The following HEMK2 variants were observed in gnomAD, a reference collection of about 807,000 sequenced individuals.
The protein encoded by HEMK2 is methyltransferase HEMK2.
the HEMK2 span, among the ~76,000 whole-genome samples, chr21:28,884,628 C>T: frequency 6.6e-6 from 1 of 151,978 alleles, no homozygotes; most frequent in Non-Finnish European, 1.5e-5. Context: ...TTTTTGGTAA[C>T]AATTAAATGA....
At chr21:28,753,838 C>A in the HEMK2 span, among the ~76,000 whole-genome samples, 1 of 152,220 alleles carries the variant, frequency 6.6e-6, no homozygotes, top group Non-Finnish European at 1.5e-5. Flanking sequence ...CACACGTGCA[C>A]ACGCAATGCC....
chr21:28,608,843 G>A, the HEMK2 span, among the ~76,000 whole-genome samples: 16 of 151,940 alleles, frequency 1.1e-4, no homozygotes, highest in African/African-American at 3.1e-4. Flanking sequence ...ATCATCCCCC[G>A]GGAAACATAA....
chr21:28,604,106 G>A, the HEMK2 span, among the ~76,000 whole-genome samples: 1 of 152,312 alleles, frequency 6.6e-6, no homozygotes, highest in East Asian at 1.9e-4. Context: ...GAAAATTGAG[G>A]CTCCTCATTG....
the HEMK2 span, among the ~76,000 whole-genome samples, chr21:28,650,077 G>A: frequency 4.6e-5 from 7 of 152,144 alleles, no homozygotes; most frequent in Admixed American, 2.0e-4. Flanking sequence ...ATGCACTGAA[G>A]TGTAAAGAGG....
chr21:28,650,914 G>A, the HEMK2 span, among the ~76,000 whole-genome samples: 27,763 of 151,998 alleles, frequency 0.18, 2,749 homozygotes, highest in East Asian at 0.38. Flanking sequence ...ATGGAGAGAC[G>A]ACAAAAAAGA....
At chr21:28,701,678 G>A in the HEMK2 span, among the ~76,000 whole-genome samples, 1 of 151,802 alleles carries the variant, frequency 6.6e-6, no homozygotes, top group African/African-American at 2.4e-5. Flanking sequence ...AAAGAAATCA[G>A]AGGTGACATA....
chr21:28,703,546 T>C, the HEMK2 span, among the ~76,000 whole-genome samples: 1 of 152,208 alleles, frequency 6.6e-6, no homozygotes, highest in Non-Finnish European at 1.5e-5. Flanking sequence ...CATTGTATTA[T>C]GAAATAAGAA....
chr21:28,877,496 G>A, the HEMK2 span, among the ~76,000 whole-genome samples: 48 of 147,346 alleles, frequency 3.3e-4, 1 homozygote, highest in East Asian at 5.5e-3. Context: ...GAAAGAAAAA[G>A]AGACAAAGAT....
chr21:28,810,893 A>C, the HEMK2 span, among the ~76,000 whole-genome samples: 2 of 152,160 alleles, frequency 1.3e-5, no homozygotes, highest in African/African-American at 4.8e-5. Context: ...GATCTTCCAA[A>C]GGGCTACTTT....
the HEMK2 span, among the ~76,000 whole-genome samples, chr21:28,867,179 G>A: frequency 6.6e-6 from 1 of 152,282 alleles, no homozygotes; most frequent in East Asian, 1.9e-4. Flanking sequence ...AGTACCAACA[G>A]ACATGTACAG....
At chr21:28,828,511 C>T in the HEMK2 span, among the ~76,000 whole-genome samples, 9,001 of 152,282 alleles carry the variant, frequency 0.059, 352 homozygotes, top group Middle Eastern at 0.092. Flanking sequence ...CCGAACAACA[C>T]ATTTGTAAAT....
At chr21:28,698,425 T>C in the HEMK2 span, among the ~76,000 whole-genome samples, 1 of 152,190 alleles carries the variant, frequency 6.6e-6, no homozygotes, top group East Asian at 1.9e-4. Flanking sequence ...AATATGTTAG[T>C]GCTTACTGAC....
the HEMK2 span, among the ~76,000 whole-genome samples, chr21:28,859,716 T>A: frequency 6.6e-6 from 1 of 152,162 alleles, no homozygotes; most frequent in Non-Finnish European, 1.5e-5. Context: ...TGGACTCCCA[T>A]GGATGCTGGA....
the HEMK2 span, among the ~76,000 whole-genome samples, chr21:28,736,196 G>A: frequency 6.6e-6 from 1 of 152,208 alleles, no homozygotes; most frequent in Non-Finnish European, 1.5e-5. Context: ...GCTGCAACAA[G>A]GTGGCCTGCA....
At chr21:28,795,723 T>C in the HEMK2 span, among the ~76,000 whole-genome samples, 1 of 152,218 alleles carries the variant, frequency 6.6e-6, no homozygotes, top group Non-Finnish European at 1.5e-5. Flanking sequence ...AGGAGCCCAA[T>C]GTTCAGGAAA....
the HEMK2 span, chr21:28,875,677 A>C: frequency 6.6e-6 from 1 of 152,244 alleles, no homozygotes; most frequent in African/African-American, 2.4e-5. Context: ...TCCAAAACCC[A>C]AAGAGGCCCA....
the HEMK2 span, among the ~76,000 whole-genome samples, chr21:28,695,502 G>T: frequency 6.6e-6 from 1 of 152,160 alleles, no homozygotes; most frequent in East Asian, 1.9e-4. Context: ...GAGGAACAAA[G>T]TCATGTCTTA....
chr21:28,635,981 T>C, the HEMK2 span, among the ~76,000 whole-genome samples: 2 of 152,152 alleles, frequency 1.3e-5, no homozygotes, highest in Admixed American at 6.5e-5. Flanking sequence ...GGACAACACA[T>C]GCATAGACCA....
At chr21:28,810,336 T>G in the HEMK2 span, among the ~76,000 whole-genome samples, 1 of 152,098 alleles carries the variant, frequency 6.6e-6, no homozygotes, top group African/African-American at 2.4e-5. Flanking sequence ...ACAAAACTGT[T>G]AAAAAGACTG....
Sources: gnomAD v4.1 joint callset for allele counts (sites outside exome capture counted in the v4.1 genomes callset) on GRCh38, gnomAD v4.1.1 for gene constraint, MANE v1.5 for transcripts, NCBI Gene and HGNC (gene_info 2026-07-23, HGNC 2026-07-21) for gene names.